The following RPA1 variants were observed in gnomAD, a reference collection of about 807,000 sequenced individuals.
RPA1 encodes the protein replication protein A 70 kDa DNA-binding subunit.
Under a neutral mutation model 83.0 loss-of-function variants are expected in RPA1, and 49 were observed. That is an observed-to-expected ratio of 0.59 (90% confidence interval 0.47 to 0.75). The LOEUF is 0.75. Ranked by LOEUF, RPA1 falls within the 30% of genes least tolerant of loss-of-function variation. RPA1 has a pLI of 0.00. For synonymous variants in RPA1, 279 were observed against 281.8 expected (o/e 0.99, Z 0.10); for missense variants, 693 against 776.1 (o/e 0.89, Z 1.27).
At chr17:1,868,028 G>A (rs1439285487) in intron 5 of RPA1, among the ~76,000 whole-genome samples, 1 of 152,080 alleles carries the variant, frequency 6.6e-6, no homozygotes, top group African/African-American at 2.4e-5. Context: ...GGCCTGCAGT[G>A]AGCTATGATC....
chr17:1,830,046 A>G lies in RPA1; in HGVS notation c.-48A>G. ...CGCAGCGCGCGGGACCCGGGTGGGGAAGCTGGAGCTGTTGCGGGGTCCGCG... is the reference window on the plus strand; with the variant it reads ...CGCAGCGCGCGGGACCCGGGTGGGGGAGCTGGAGCTGTTGCGGGGTCCGCG... On this transcript the variant is annotated 5_prime_UTR_variant, in exon 1 of 17. Coordinates refer to ENST00000254719, the MANE Select transcript of RPA1 (RefSeq NM_002945.5). 1 of 1,247,804 alleles carries G rather than the reference A, an allele frequency of 8.0e-7. No individual in the cohort carries two copies. 77.3% of individuals were successfully genotyped at this position (1,247,804 alleles called of 1,614,324 possible).
At chr17:1,866,784 A>T (rs1406283460) in intron 5 of RPA1, among the ~76,000 whole-genome samples, 2 of 152,226 alleles carry the variant, frequency 1.3e-5, no homozygotes, top group Non-Finnish European at 2.9e-5. Flanking sequence ...TTACACTGAA[A>T]TTATTCATGC....
chr17:1,877,463 T>C, intron 8 of RPA1, 149 bp downstream of exon 8: 1 of 658,332 alleles, frequency 1.5e-6, no homozygotes, highest in Non-Finnish European at 2.7e-6. Context: ...AAGGCTCAGC[T>C]CTGCGGGCCT....
intron 1 of RPA1, among the ~76,000 whole-genome samples, chr17:1,833,798 A>T (rs1476795261): frequency 1.3e-5 from 2 of 151,982 alleles, no homozygotes; most frequent in African/African-American, 4.8e-5. Context: ...AGGTTCCGGT[A>T]AGCCAAGATC....
chr17:1,872,444 G>A lies in RPA1; in HGVS notation c.372G>A (p.Gln124=), dbSNP rs1163289314. Residue 124 remains glutamine, a synonymous_variant, in exon 6 of 17, where the codon CAG becomes CAA. Coordinates refer to ENST00000254719, the MANE Select transcript of RPA1 (RefSeq NM_002945.5). ...CCTTTTGATCTTCAGGACTCGGGCA[G>A]CCGCAAGTAGCTCCTCCAGCGCCAG... ...NPVPYNEGLG[Q]PQVAPPAPAA... 6.2e-7 allele frequency: 1 copy of A among 1,613,900 alleles called. No homozygotes were observed. Among genetic ancestry groups the A allele is most frequent in the South Asian group, 1.1e-5 (1 of 90,990 alleles).
chr17:1,885,709 G>A (rs966227567), intron 13 of RPA1, among the ~76,000 whole-genome samples: 6 of 152,072 alleles, frequency 3.9e-5, no homozygotes, highest in Non-Finnish European at 7.4e-5. Flanking sequence ...AAAGTGCCAG[G>A]AGTTACAGGT....
intron 4 of RPA1, among the ~76,000 whole-genome samples, chr17:1,850,760 C>T (rs1046476025): frequency 2.6e-5 from 4 of 151,110 alleles, no homozygotes; most frequent in African/African-American, 9.7e-5. Context: ...GGTGTGGTGG[C>T]GGGTGCCTGT....
At chr17:1,853,344 T>C (rs933137450) in intron 5 of RPA1, among the ~76,000 whole-genome samples, 155 bp downstream of exon 5, 10 of 152,194 alleles carry the variant, frequency 6.6e-5, no homozygotes, top group Non-Finnish European at 1.5e-4. Context: ...GCTTTTTCAG[T>C]TCTAAAGAAA....
chr17:1,897,114 T>C lies in RPA1; in HGVS notation c.1790T>C (p.Val597Ala). The C allele has an allele frequency of 6.4e-7, 1 of 1,573,154 alleles. No homozygotes were observed. The change falls in exon 17 of 17, where the codon GTG (valine) becomes GCG (alanine). Residue 597 changes from valine (V) to alanine (A), a missense_variant. Val to Ala is a moderately conservative substitution (Grantham distance 64). Coordinates refer to ENST00000254719, the MANE Select transcript of RPA1 (RefSeq NM_002945.5). ...IKATVMDVKP[V>A]DYREYGRRLV... Reference sequence around the variant, plus strand: ...GCCACTGTGATGGACGTGAAGCCCGTGGACTACAGAGAGTATGGCCGAAGG... The same window carrying C: ...GCCACTGTGATGGACGTGAAGCCCGCGGACTACAGAGAGTATGGCCGAAGG...
At chr17:1,880,331 C>G (rs924767163) in intron 11 of RPA1, among the ~76,000 whole-genome samples, 7 of 152,092 alleles carry the variant, frequency 4.6e-5, no homozygotes, top group African/African-American at 1.7e-4. Context: ...AAGCTTTACG[C>G]GGGGAAATGC....
At chr17:1,861,308 T>C (rs1912955633) in intron 5 of RPA1, among the ~76,000 whole-genome samples, 2 of 152,156 alleles carry the variant, frequency 1.3e-5, no homozygotes, top group Admixed American at 1.3e-4. Flanking sequence ...CCTAAGCCCT[T>C]GAGGCACTGA....
intron 14 of RPA1, among the ~76,000 whole-genome samples, chr17:1,889,874 C>T (rs1419227565): frequency 2.0e-5 from 3 of 151,890 alleles, no homozygotes; most frequent in African/African-American, 7.3e-5. Flanking sequence ...GTGGCGGGTG[C>T]CTGTAGTCCC....
chr17:1,874,399 A>C (rs1203153891), intron 6 of RPA1, among the ~76,000 whole-genome samples: 3 of 152,164 alleles, frequency 2.0e-5, no homozygotes, highest in Non-Finnish European at 4.4e-5. Flanking sequence ...CCAGCTACTC[A>C]AGAAGCTGAA....
intron 4 of RPA1, among the ~76,000 whole-genome samples, chr17:1,847,447 C>T (rs1912305203): frequency 6.6e-6 from 1 of 152,208 alleles, no homozygotes; most frequent in South Asian, 2.1e-4. Flanking sequence ...CAGCTCCACT[C>T]CCCTGGGCTT....
intron 5 of RPA1, among the ~76,000 whole-genome samples, chr17:1,856,299 TA>T (rs545534102): frequency 0.12 from 14,889 of 124,634 alleles, 1,265 homozygotes; most frequent in African/African-American, 0.27. Flanking sequence ...TGAGACCCCA[TA>T]AAAAAAAAAA....
chr17:1,878,467 A>G (rs529294763), intron 8 of RPA1, among the ~76,000 whole-genome samples: 1 of 152,200 alleles, frequency 6.6e-6, no homozygotes, highest in African/African-American at 2.4e-5. Flanking sequence ...CCACTTGTAA[A>G]TTTTGGCTGA....
At chr17:1,893,731 G>A (rs527657324) in intron 15 of RPA1, among the ~76,000 whole-genome samples, 1 of 151,984 alleles carries the variant, frequency 6.6e-6, no homozygotes, top group East Asian at 1.9e-4. Flanking sequence ...GAGGGAAAAG[G>A]ATTGTTTTTA....
chr17:1,859,219 G>A (rs1339247507), intron 5 of RPA1, among the ~76,000 whole-genome samples: 3 of 152,078 alleles, frequency 2.0e-5, no homozygotes, highest in South Asian at 2.1e-4. Context: ...CTTATTTTAT[G>A]TCCAGATTAT....
rs149272362 is a variant in RPA1 at position 1,890,693 on chromosome 17, T to C, written c.1552-1140T>C. ...ATAAATAAATTAAATTAATAAATGA[T>C]AAATAAAATGAAATGTTAGCTTAGC... On this transcript the variant is annotated intron_variant, in intron 14 of 16. Coordinates refer to ENST00000254719, the MANE Select transcript of RPA1 (RefSeq NM_002945.5). Among the ~76,000 whole-genome samples the C allele has an allele frequency of 8.5e-5, 13 of 152,216 alleles. No individual in the cohort carries two copies. The East Asian group carries it at 2.5e-3, about 29-fold the overall frequency.
Sources: allele counts gnomAD v4.1 joint callset (sites outside exome capture counted in the v4.1 genomes callset), GRCh38; gene constraint gnomAD v4.1.1; transcripts MANE v1.5; gene names NCBI Gene and HGNC (gene_info 2026-07-23, HGNC 2026-07-21).